Variants in SIL1 observed in about 807,000 individuals in gnomAD.
SIL1 encodes SIL1 nucleotide exchange factor.
Under a neutral mutation model 49.1 loss-of-function variants are expected in SIL1, and 40 were observed. The ratio of observed to expected loss-of-function variants is 0.81; its 90% CI spans 0.63 to 1.06. The LOEUF is 1.06. Ranked by LOEUF, SIL1 falls within the 50% of genes least tolerant of loss-of-function variation. The pLI is 0.00. For missense variants in SIL1, 500 were observed against 572.6 expected (o/e 0.87, Z 1.29); for synonymous variants, 253 against 250.8 (o/e 1.01, Z -0.08).
At chr5:138,952,830 G>C (rs938800019) in intron 7 of SIL1, among the ~76,000 whole-genome samples, 2 of 152,254 alleles carry the variant, frequency 1.3e-5, no homozygotes, top group African/African-American at 4.8e-5. Flanking sequence ...TGCCATGCAG[G>C]GGACAAGGCC....
chr5:139,030,110 A>G (rs911441564), intron 5 of SIL1, among the ~76,000 whole-genome samples: 1 of 151,996 alleles, frequency 6.6e-6, no homozygotes, highest in African/African-American at 2.4e-5. Context: ...TTGAGCCAGG[A>G]GTTCGAGAAC....
chr5:139,178,948 G>C (rs908845719), intron 1 of SIL1, among the ~76,000 whole-genome samples: 5 of 152,128 alleles, frequency 3.3e-5, no homozygotes, highest in Non-Finnish European at 5.9e-5. Flanking sequence ...GTTCTACTTA[G>C]AGCTGTTCTC....
intron 5 of SIL1, among the ~76,000 whole-genome samples, chr5:139,032,295 G>A (rs1304056587): frequency 6.6e-6 from 1 of 152,158 alleles, no homozygotes; most frequent in African/African-American, 2.4e-5. Flanking sequence ...ATGGTCAAAT[G>A]CTCTTTGTGT....
At chr5:138,983,452 G>A (rs540659166) in intron 7 of SIL1, among the ~76,000 whole-genome samples, 1 of 151,452 alleles carries the variant, frequency 6.6e-6, no homozygotes, top group African/African-American at 2.4e-5. Flanking sequence ...AGCTTGCAGT[G>A]AGCCGAGATC....
Position 139,051,040 on chromosome 5 carries a change from G to A in SIL1, c.251C>T (p.Ala84Val), listed in dbSNP as rs1410436479. The stretch of plus-strand genomic sequence containing the variant: ...CCGTACGTGGGATCCTGCAGGGACA[G>A]CCTGCCCTAAAAGCCAAGAAGAGAA... The part of the protein sequence containing the change: ...HEWQALQPGQ[A>V]VPAGSHVRLN... Residue 84 changes from alanine to valine, a missense_variant, in exon 4 of 10, where the codon GCT becomes GTT. Transcript: ENST00000394817. 6.2e-7 allele frequency: 1 copy of A among 1,613,906 alleles called. No homozygotes were observed. The highest frequency in any genetic ancestry group is 8.5e-7 in the Non-Finnish European group (1 of 1,179,918).
chr5:139,070,453 A>G (rs1254910686), intron 3 of SIL1, among the ~76,000 whole-genome samples: 2 of 152,212 alleles, frequency 1.3e-5, no homozygotes, highest in Non-Finnish European at 1.5e-5. Flanking sequence ...GCCTAGAAAC[A>G]ATGACCAACA....
At chr5:139,025,783 T>C (rs886590180) in intron 6 of SIL1, among the ~76,000 whole-genome samples, 7 of 152,210 alleles carry the variant, frequency 4.6e-5, no homozygotes, top group Non-Finnish European at 8.8e-5. Flanking sequence ...AATCTAAGGA[T>C]TGGCAAACTT....
chr5:138,965,114 G>A (rs948621988), intron 7 of SIL1, among the ~76,000 whole-genome samples: 1 of 152,206 alleles, frequency 6.6e-6, no homozygotes, highest in Non-Finnish European at 1.5e-5. Context: ...GCCTGGGGAG[G>A]TGGGGAAGCA....
intron 1 of SIL1, among the ~76,000 whole-genome samples, chr5:139,178,313 T>C (rs1207320779): frequency 6.6e-6 from 1 of 152,168 alleles, no homozygotes; most frequent in Non-Finnish European, 1.5e-5. Context: ...TCATTTTCAC[T>C]CCCTCAACAA....
chr5:138,971,677 GCT>G (rs1394011385), intron 7 of SIL1, among the ~76,000 whole-genome samples: 11 of 152,298 alleles, frequency 7.2e-5, no homozygotes, highest in Admixed American at 5.9e-4. Flanking sequence ...TCACAGGATA[GCT>G]CTCTATTCCA....
At chr5:139,084,618 A>G (rs1314997879) in intron 3 of SIL1, among the ~76,000 whole-genome samples, 1 of 123,106 alleles carries the variant, frequency 8.1e-6, no homozygotes, top group Non-Finnish European at 1.7e-5. Flanking sequence ...GGAATATCAC[A>G]CTCTGGGAAC....
chr5:139,010,494 C>T (rs1197660818), intron 7 of SIL1, among the ~76,000 whole-genome samples: 10 of 152,078 alleles, frequency 6.6e-5, no homozygotes, highest in Admixed American at 1.3e-4. Flanking sequence ...AGCTTTGTTC[C>T]GTTGCTGGTG....
chr5:139,169,992 A>G (rs1178605461), intron 1 of SIL1, among the ~76,000 whole-genome samples: 3 of 152,026 alleles, frequency 2.0e-5, no homozygotes, highest in African/African-American at 2.4e-5. Context: ...TCAGCCTGCC[A>G]AGTGCCTGCG....
At chr5:139,140,721 A>C (rs1370526121) in intron 1 of SIL1, among the ~76,000 whole-genome samples, 1 of 152,190 alleles carries the variant, frequency 6.6e-6, no homozygotes, top group Non-Finnish European at 1.5e-5. Flanking sequence ...TAGGTAGCCA[A>C]GAAACAAAGA....
chr5:139,068,543 G>A (rs1340777965), intron 3 of SIL1, among the ~76,000 whole-genome samples: 1 of 151,764 alleles, frequency 6.6e-6, no homozygotes, highest in African/African-American at 2.4e-5. Context: ...AGATAAAACT[G>A]GAGGAGTAAA....
At chr5:139,005,410 T>C (rs1768091234) in intron 7 of SIL1, among the ~76,000 whole-genome samples, 1 of 151,356 alleles carries the variant, frequency 6.6e-6, no homozygotes, top group Non-Finnish European at 1.5e-5. Flanking sequence ...TTACTACCTA[T>C]AATTTTTTAA....
At chr5:138,955,974 T>C (rs1277774115) in intron 7 of SIL1, among the ~76,000 whole-genome samples, 3 of 152,234 alleles carry the variant, frequency 2.0e-5, no homozygotes, top group African/African-American at 7.2e-5. Context: ...GGTGACTAGT[T>C]AGATGGGGGC....
chr5:139,095,580 G>T (rs1216955493), intron 3 of SIL1, among the ~76,000 whole-genome samples: 1 of 152,168 alleles, frequency 6.6e-6, no homozygotes, highest in Non-Finnish European at 1.5e-5. Context: ...GAATTCTTCT[G>T]CAAGAAAGAT....
At chr5:138,977,252 T>A (rs1022217295) in intron 7 of SIL1, among the ~76,000 whole-genome samples, 4 of 152,184 alleles carry the variant, frequency 2.6e-5, no homozygotes, top group Non-Finnish European at 5.9e-5. Flanking sequence ...TTTCTGACTC[T>A]ATATCCTAAT....
Sources: gnomAD v4.1 joint callset for allele counts (sites outside exome capture counted in the v4.1 genomes callset) on GRCh38, gnomAD v4.1.1 for gene constraint, MANE v1.5 for transcripts, NCBI Gene and HGNC (gene_info 2026-07-23, HGNC 2026-07-21) for gene names.